The following HERC2 variants were observed in gnomAD, a reference collection of about 807,000 sequenced individuals.
HERC2 encodes HECT and RLD domain containing E3 ubiquitin protein ligase 2, also known as E3 ubiquitin-protein ligase HERC2.
In HERC2, 102 loss-of-function variants were observed where a neutral mutation model predicts 537.7. That is an observed-to-expected ratio of 0.19 (90% CI 0.16 to 0.22). The LOEUF (loss-of-function observed/expected upper bound fraction) is 0.22. HERC2 is among the 10% of genes least tolerant of loss of function. The probability of loss-of-function intolerance (pLI) is 1.00; values close to 1 mark genes in which losing one functional copy is unlikely to be tolerated. For synonymous variants in HERC2, 2,224 were observed against 2,466.2 expected (o/e 0.90, Z 2.91); for missense variants, 4,236 against 6,198.2 (o/e 0.68, Z 10.63).
In HERC2 at chr15:28,220,333, A is replaced by T. The variant is rs183143409; in HGVS notation, c.5845+119T>A. 1.1e-5 allele frequency: 10 copies of T among 884,016 alleles called. No homozygotes were observed. The East Asian group carries it at 2.4e-4, about 21-fold the overall frequency. The allele number at this position is 884,016 out of a possible 1,614,324, so 54.8% of individuals were successfully genotyped here. A position where few individuals can be genotyped will look rare whatever the true frequency, so the allele number is the denominator to read the frequency against. ...TTTAAATTGCAGGCTCCGAGGACAG[A>T]GCGCCAGCTGCAGGTGCGTCCTGAC... On this transcript the variant is annotated intron_variant, in intron 37 of 92. Transcript: ENST00000261609.
At chr15:28,200,394 C>CA (rs1179897030) in intron 48 of HERC2, among the ~76,000 whole-genome samples, 2 of 150,010 alleles carry the variant, frequency 1.3e-5, no homozygotes, top group Non-Finnish European at 3.0e-5. Context: ...GACTCTGCCT[C>CA]AAAAAACAAA....
At chr15:28,203,735 G>A (rs1357578028) in intron 45 of HERC2, 4 of 152,104 alleles carry the variant, frequency 2.6e-5, no homozygotes, top group Non-Finnish European at 5.9e-5. Flanking sequence ...GCCCGCCTGA[G>A]AAAGAAACCA....
intron 44 of HERC2, among the ~76,000 whole-genome samples, chr15:28,206,755 C>T (rs995746976): frequency 6.9e-6 from 1 of 144,370 alleles, no homozygotes; most frequent in African/African-American, 2.6e-5. Flanking sequence ...ATGGCATGAA[C>T]CTGGGAGGCG....
intron 2 of HERC2, among the ~76,000 whole-genome samples, chr15:28,303,481 T>C (rs919811959): frequency 2.0e-5 from 3 of 152,348 alleles, no homozygotes; most frequent in East Asian, 3.8e-4. Flanking sequence ...AGTCAGGTAA[T>C]GCAATTTCTC....
chr15:28,153,446 G>C (rs1390419235), intron 69 of HERC2, among the ~76,000 whole-genome samples: 3 of 152,132 alleles, frequency 2.0e-5, no homozygotes, highest in Admixed American at 6.5e-5. Context: ...TGGAGGTCAG[G>C]AGTTCAAGAC....
At chr15:28,126,507 T>G (rs926179634) in intron 83 of HERC2, among the ~76,000 whole-genome samples, 4 of 152,120 alleles carry the variant, frequency 2.6e-5, no homozygotes, top group Admixed American at 6.5e-5. Context: ...AATGAGTGGA[T>G]AAAGAAAATG....
chr15:28,230,669 G>A (rs1457113232), intron 30 of HERC2, among the ~76,000 whole-genome samples, 169 bp from the exon 31 acceptor site: 1 of 152,118 alleles, frequency 6.6e-6, no homozygotes, highest in Non-Finnish European at 1.5e-5. Context: ...CACCCTGGCA[G>A]AACAAAAAGA....
rs1324676172 is a variant in HERC2, at chr15:28,265,293, G to A, written c.1870+325C>T. Among the ~76,000 whole-genome samples, 1 of 152,140 alleles carries A rather than the reference G, an allele frequency of 6.6e-6. No homozygotes were observed. Among genetic ancestry groups the A allele is most frequent in the Non-Finnish European group, 1.5e-5 (1 of 68,036 alleles). On this transcript the variant is annotated intron_variant, in intron 14 of 92. Coordinates refer to ENST00000261609, the MANE Select transcript of HERC2 (RefSeq NM_004667.6). This position sits in a 1 kb window ranked among gnomAD's most constrained non-coding sequence, Gnocchi z 4.0. ...GAAAGACTTAGCAGGAATTACCACAGGGAATCAAGAGTGGCCGAACGTTAA... is the reference window on the plus strand; with the variant it reads ...GAAAGACTTAGCAGGAATTACCACAAGGAATCAAGAGTGGCCGAACGTTAA...
At chr15:28,271,956 G>C in intron 9 of HERC2, 6 of 499,856 alleles carry the variant, frequency 1.2e-5, no homozygotes, top group Non-Finnish European at 2.1e-5. Flanking sequence ...CGCTATTTTC[G>C]TTGTTCTTTT....
chr15:28,312,541 C>G (rs11857158), intron 2 of HERC2, among the ~76,000 whole-genome samples: 19,905 of 146,916 alleles, frequency 0.14, 254 homozygotes, highest in East Asian at 0.44. Context: ...TACAGCAGGA[C>G]GGTCACCTGC....
Position 28,274,938 on chromosome 15 carries a change from C to T in HERC2, c.610G>A (p.Ala204Thr). Residue 204 changes from alanine to threonine, a missense_variant, in exon 6 of 93, where the codon GCC becomes ACC. Ala to Thr is a moderately conservative substitution (Grantham distance 58). Around this residue, in one of 27 missense-constraint regions of HERC2, gnomAD observed 491 missense variants for 559.3 expected, o/e 0.88. Coordinates refer to ENST00000261609, the MANE Select transcript of HERC2 (RefSeq NM_004667.6). ...RVGSRAALSF[A>T]FAFLRRAWRS... ...CAGGCCCTGCGCAGGAAGGCAAAGG[C>T]AAAAGACAGCGCCGCTCGGGATCCC... The T allele has an allele frequency of 6.2e-7, 1 of 1,611,382 alleles. No homozygotes were observed. Among genetic ancestry groups the T allele is most frequent in the East Asian group, 2.2e-5 (1 of 44,868 alleles).
chr15:28,248,462 C>T (rs2140826398), intron 21 of HERC2, 90 bp downstream of exon 21: 2 of 923,162 alleles, frequency 2.2e-6, no homozygotes, highest in Admixed American at 4.5e-5. Flanking sequence ...AACAACTACA[C>T]ATCTGGGCAT....
intron 20 of HERC2, among the ~76,000 whole-genome samples, chr15:28,251,904 T>C (rs1477031453): frequency 6.6e-6 from 1 of 152,246 alleles, no homozygotes; most frequent in East Asian, 1.9e-4. Context: ...TGAGATATTT[T>C]ACATAGGTTA....
At chr15:28,319,394 AAC>A (rs1175968541) in intron 2 of HERC2, among the ~76,000 whole-genome samples, 1 of 151,504 alleles carries the variant, frequency 6.6e-6, no homozygotes, top group Non-Finnish European at 1.5e-5. Context: ...CAGCCAGGCC[AAC>A]ACAGTGAAAC....
At chr15:28,255,005 C>A (rs1350938829) in intron 19 of HERC2, among the ~76,000 whole-genome samples, 2 of 152,368 alleles carry the variant, frequency 1.3e-5, no homozygotes, top group South Asian at 2.1e-4. Context: ...CACTAAAGTA[C>A]TTGTACACAG....
rs1191048144 is a variant in HERC2, at chr15:28,256,205, C to T, written c.2630G>A (p.Gly877Asp). Residue 877 changes from glycine (G) to aspartate (D), a missense_variant, in exon 18 of 93, where the codon GGC becomes GAC. Physicochemically the swap from Gly to Asp is moderately conservative, Grantham distance 94. This residue lies in a region of HERC2 where 754 missense variants were observed against 1,085.0 expected (regional missense o/e 0.69). Coordinates refer to ENST00000261609, the MANE Select transcript of HERC2 (RefSeq NM_004667.6). ...QTVVTLASSA[G>D]VLSTVQSAAQ... is the part of the protein sequence containing the mutation. ...GGCCGACTGCACGGTGCTCAGCACGCCCGCACTGCTGGCCAGGGTCACCAC... is the reference window on the plus strand; with the variant it reads ...GGCCGACTGCACGGTGCTCAGCACGTCCGCACTGCTGGCCAGGGTCACCAC... 2 of 1,600,670 alleles carry T rather than the reference C, an allele frequency of 1.2e-6. No individual in the cohort carries two copies. Among genetic ancestry groups the T allele is most frequent in the Non-Finnish European group, 1.7e-6 (2 of 1,179,870 alleles).
intron 15 of HERC2, 67 bp from the exon 16 acceptor site, chr15:28,261,037 C>T: frequency 8.1e-7 from 1 of 1,234,938 alleles, no homozygotes; most frequent in South Asian, 1.4e-5. Flanking sequence ...AAGATATTTC[C>T]TAGGCCATTC....
At chr15:28,285,612 A>G (rs945372765) in intron 4 of HERC2, among the ~76,000 whole-genome samples, 4 of 151,956 alleles carry the variant, frequency 2.6e-5, no homozygotes, top group Non-Finnish European at 4.4e-5. Context: ...AATCAATAAT[A>G]TAAGTGCCCG....
intron 45 of HERC2, among the ~76,000 whole-genome samples, chr15:28,204,830 AAGG>A (rs1166451540): frequency 3.3e-5 from 5 of 152,236 alleles, no homozygotes; most frequent in African/African-American, 1.2e-4. Context: ...AGCTACTAAC[AAGG>A]AGAAGACTTT....
Sources: allele counts gnomAD v4.1 joint callset (sites outside exome capture counted in the v4.1 genomes callset), GRCh38; gene constraint gnomAD v4.1.1; regional missense constraint gnomAD v4.1.1; non-coding constraint Gnocchi (gnomAD v3.1); transcripts MANE v1.5; gene names NCBI Gene and HGNC (gene_info 2026-07-23, HGNC 2026-07-21).